COG2: variants seen among roughly 807,000 people sequenced by gnomAD.
COG2 encodes the protein component of oligomeric golgi complex 2.
COG2 carries 52 observed loss-of-function variants against 90.6 expected under a neutral mutation model. The observed-to-expected ratio is 0.57, with a 90% CI of 0.46 to 0.72. COG2 has a LOEUF of 0.72. Among genes scored for constraint, COG2 ranks in the 30% least tolerant of loss-of-function variants. The probability of loss-of-function intolerance (pLI) is 0.00; values close to 1 mark genes in which losing one functional copy is unlikely to be tolerated. For missense variants in COG2, 829 were observed against 891.2 expected (o/e 0.93, Z 0.89); for synonymous variants, 337 against 320.4 (o/e 1.05, Z -0.55).
intron 10 of COG2, chr1:230,679,798 G>A (rs1302611186): frequency 6.6e-6 from 1 of 152,200 alleles, no homozygotes; most frequent in Non-Finnish European, 1.5e-5. Context: ...TACTTGAAAT[G>A]CTCTTTGAAG....
rs753062102 is a variant in COG2, at chr1:230,691,368, G to A, written c.1935-16G>A. On this transcript the variant is annotated splice_polypyrimidine_tract_variant and intron_variant, in intron 16 of 17. Coordinates refer to ENST00000366669, the MANE Select transcript of COG2 (RefSeq NM_007357.3). ...CAAATGCCTCTTTTCACCAATAAACGTGTCTTCTATTCAAGGTACTATGAA... is the reference window on the plus strand; with the variant it reads ...CAAATGCCTCTTTTCACCAATAAACATGTCTTCTATTCAAGGTACTATGAA... 9.5e-6 allele frequency: 15 copies of A among 1,581,706 alleles called. No individual in the cohort carries two copies. Among genetic ancestry groups the A allele is most frequent in the South Asian group, 3.5e-5 (3 of 86,770 alleles).
At chr1:230,673,983 G>A (rs191006653) in intron 8 of COG2, among the ~76,000 whole-genome samples, 100 of 152,230 alleles carry the variant, frequency 6.6e-4, no homozygotes, top group Middle Eastern at 3.4e-3. Flanking sequence ...TCCCAGTTTT[G>A]CTAAAATAGA....
intron 5 of COG2, among the ~76,000 whole-genome samples, chr1:230,665,650 C>T (rs532210538): frequency 2.0e-5 from 3 of 152,260 alleles, no homozygotes; most frequent in East Asian, 1.9e-4. Context: ...CTTTCCTGAT[C>T]GAGATGTATA....
intron 4 of COG2, 54 bp downstream of exon 4, chr1:230,663,275 T>C: frequency 7.2e-7 from 1 of 1,395,904 alleles, no homozygotes; most frequent in Non-Finnish European, 1.0e-6. Flanking sequence ...CACCTTGTAG[T>C]AACAAGCACT....
At chr1:230,662,623 A>G (rs190431904) in intron 3 of COG2, among the ~76,000 whole-genome samples, 1 of 152,118 alleles carries the variant, frequency 6.6e-6, no homozygotes, top group African/African-American at 2.4e-5. Context: ...AATCTGGTCT[A>G]AAGTCTTATC....
intron 13 of COG2, among the ~76,000 whole-genome samples, chr1:230,687,447 C>CT (rs958680064): frequency 1.7e-4 from 26 of 151,894 alleles, no homozygotes; most frequent in Middle Eastern, 3.4e-3. Context: ...TGCTCCCCCA[C>CT]TTTTTTTTTC....
intron 12 of COG2, among the ~76,000 whole-genome samples, chr1:230,686,284 T>C (rs1034012253): frequency 6.6e-6 from 1 of 152,242 alleles, no homozygotes; most frequent in African/African-American, 2.4e-5. Flanking sequence ...CACCCTGGGC[T>C]GTCAGCTGTT....
Position 230,668,565 on chromosome 1 carries a change from A to G in COG2, c.486-111A>G, listed in dbSNP as rs555624401. On this transcript the variant is annotated intron_variant, in intron 5 of 17. Coordinates refer to ENST00000366669, the MANE Select transcript of COG2 (RefSeq NM_007357.3). ...AGGTGGCCACATAAAACACTCTGAC[A>G]AAAGTCAAAATACAGTGGGTATGAA... 14 of 656,762 alleles carry G rather than the reference A, an allele frequency of 2.1e-5. No individual in the cohort carries two copies. The African/African-American group carries it at 2.4e-4, about 11-fold the overall frequency. The allele number at this position is 656,762 out of a possible 1,614,324, so 40.7% of individuals were successfully genotyped here.
intron 1 of COG2, among the ~76,000 whole-genome samples, chr1:230,650,717 A>G (rs1051660426): frequency 3.3e-5 from 5 of 151,856 alleles, no homozygotes; most frequent in Admixed American, 6.6e-5. Context: ...TCATTTGTCT[A>G]TTTTTGTTTT....
Position 230,668,728 on chromosome 1 carries a change from T to G in COG2, c.538T>G (p.Leu180Val). 5 of 1,613,220 alleles carry G rather than the reference T, an allele frequency of 3.1e-6. No homozygotes were observed. Among genetic ancestry groups the G allele is most frequent in the Non-Finnish European group, 4.2e-6 (5 of 1,179,540 alleles). The change falls in exon 6 of 18, where the codon TTA becomes GTA. Residue 180 changes from leucine (L) to valine (V), a missense_variant. Transcript: ENST00000366669. ...GAGAATTGCCACAGAATTTAATCAGTTACAGTTTCATGCTGTTCAAAGCAA... is the reference window on the plus strand; with the variant it reads ...GAGAATTGCCACAGAATTTAATCAGGTACAGTTTCATGCTGTTCAAAGCAA... The part of the protein sequence containing the change: ...LERIATEFNQ[L>V]QFHAVQSKGM...
At chr1:230,643,111 C>T (rs1421851712) in intron 1 of COG2, 2 of 160,724 alleles carry the variant, frequency 1.2e-5, no homozygotes, top group African/African-American at 4.8e-5. Flanking sequence ...AGAACTTAAT[C>T]TGAAGTTTTG....
Position 230,679,022 on chromosome 1 carries a change from A to G in COG2, c.1136A>G (p.Lys379Arg). The change falls in exon 10 of 18, where the codon AAG becomes AGG. Residue 379 changes from lysine (K) to arginine (R), a missense_variant. Lys to Arg is a conservative substitution (Grantham distance 26). Transcript: ENST00000366669. ...CCTGCCTATCACAGCTTCAATAAGA[A>G]GTGGAACTTGCCTGTTTATTTTCAA... Reference protein sequence around the residue: ...AHPAYHSFNKKWNLPVYFQIR... With the variant: ...AHPAYHSFNKRWNLPVYFQIR... 1 of 1,613,372 alleles carries G rather than the reference A, an allele frequency of 6.2e-7. No homozygotes were observed. The highest frequency in any genetic ancestry group is 8.5e-7 in the Non-Finnish European group (1 of 1,179,358).
intron 12 of COG2, 60 bp downstream of exon 12, chr1:230,685,296 A>C (rs979541704): frequency 2.5e-6 from 4 of 1,570,874 alleles, no homozygotes; most frequent in Non-Finnish European, 3.5e-6. Flanking sequence ...AAGATATGTT[A>C]GGCTAACTCC....
chr1:230,653,421 G>A (rs1048211469), intron 1 of COG2, among the ~76,000 whole-genome samples: 43 of 151,812 alleles, frequency 2.8e-4, no homozygotes, highest in African/African-American at 5.8e-4. Flanking sequence ...GGGTTTCGCC[G>A]TGTTGGCCAG....
chr1:230,668,619 T>C (rs1662375917), intron 5 of COG2, 57 bp from the exon 6 acceptor site: 1 of 1,062,100 alleles, frequency 9.4e-7, no homozygotes, highest in East Asian at 2.5e-5. Flanking sequence ...GTGTGATGTA[T>C]TCTCGTGGAA....
chr1:230,693,206 G>T, intron 17 of COG2, 86 bp from the exon 18 acceptor site: 1 of 777,262 alleles, frequency 1.3e-6, no homozygotes, highest in Admixed American at 2.1e-5. Context: ...TGGTTTAGTA[G>T]AGGATGAAGA....
intron 13 of COG2, 103 bp downstream of exon 13, chr1:230,687,235 T>C (rs755906054): frequency 3.9e-5 from 37 of 950,482 alleles, no homozygotes; most frequent in African/African-American, 2.3e-4. Context: ...GGGGCTTAAA[T>C]TGGGGGACCC....
chr1:230,671,753 C>T, intron 8 of COG2, 113 bp downstream of exon 8: 5 of 921,448 alleles, frequency 5.4e-6, no homozygotes, highest in Admixed American at 5.1e-5. Context: ...TGTATGAATC[C>T]ATTATGAATC....
rs536675960 is a variant in COG2, at chr1:230,669,554, A to G, written c.774+19A>G. 3.9e-5 allele frequency: 63 copies of G among 1,605,848 alleles called. 1 individual carries two copies. In the South Asian group the frequency reaches 6.3e-4, roughly 16 times the overall value. On this transcript the variant is annotated intron_variant, in intron 7 of 17. Coordinates refer to ENST00000366669, the MANE Select transcript of COG2 (RefSeq NM_007357.3). ...AGACGAGGTCTGTGTACCTCCTTCA[A>G]CAAACATTCATGAGCTTCTGTTCTG...
Sources: gnomAD v4.1 joint callset for allele counts (sites outside exome capture counted in the v4.1 genomes callset) on GRCh38, gnomAD v4.1.1 for gene constraint, MANE v1.5 for transcripts, NCBI Gene and HGNC (gene_info 2026-07-23, HGNC 2026-07-21) for gene names.